LTBP3: variants seen among roughly 807,000 people sequenced by gnomAD.
LTBP3 encodes latent-transforming growth factor beta-binding protein 3.
A neutral mutation model predicts 159.7 loss-of-function variants in LTBP3; 97 were observed. The ratio of observed to expected loss-of-function variants is 0.61; its 90% confidence interval spans 0.52 to 0.72. The LOEUF (loss-of-function observed/expected upper bound fraction) is 0.72. LTBP3 is among the 30% of genes least tolerant of loss of function. The pLI is 0.00. For missense variants in LTBP3, 1,584 were observed against 1,864.3 expected, an observed-to-expected ratio of 0.85 and a Z score of 2.77; for synonymous variants, 824 against 777.1, an observed-to-expected ratio of 1.06 and a Z score of -1.00.
At position 65,558,311 on chromosome 11, in the gene LTBP3, C is replaced by G. The variant is rs1450341641; in HGVS notation, c.-352G>C. 4 of 621,346 alleles carry G rather than the reference C, an allele frequency of 6.4e-6. No individual in the cohort carries two copies. Among genetic ancestry groups the G allele is most frequent in the African/African-American group, 3.9e-5 (2 of 50,806 alleles). The allele number at this position is 621,346 out of a possible 1,614,324, so 38.5% of individuals were successfully genotyped here. On this transcript the variant is annotated 5_prime_UTR_variant, in exon 1 of 28. Coordinates refer to ENST00000301873, the MANE Select transcript of LTBP3 (RefSeq NM_001130144.3). ...CCTCCCCCTGGCCGGGCTCCTCTCC[C>G]GCGGCCGCGGGGAGGCAGGGAGCGC...
Position 65,558,317 on chromosome 11 carries a change from C to A in LTBP3, c.-358G>T. ...CCTGGCCGGGCTCCTCTCCCGCGGCCGCGGGGAGGCAGGGAGCGCGCGGGG... is the reference window on the plus strand; with the variant it reads ...CCTGGCCGGGCTCCTCTCCCGCGGCAGCGGGGAGGCAGGGAGCGCGCGGGG... On this transcript the variant is annotated 5_prime_UTR_variant, in exon 1 of 28. Transcript: ENST00000301873. 1.9e-6 allele frequency: 1 copy of A among 536,894 alleles called. No individual in the cohort carries two copies. Among genetic ancestry groups the A allele is most frequent in the Non-Finnish European group, 2.5e-6 (1 of 405,656 alleles). 33.3% of individuals were successfully genotyped at this position (536,894 alleles called of 1,614,324 possible). A position where few individuals can be genotyped will look rare whatever the true frequency, so the allele number is the denominator to read the frequency against.
intron 8 of LTBP3, 64 bp downstream of exon 8, chr11:65,551,908 C>T (rs934185737): frequency 8.4e-6 from 13 of 1,550,776 alleles, no homozygotes; most frequent in East Asian, 6.7e-5. Context: ...CTGTGGATCA[C>T]GGGTCAAGGG....
intron 19 of LTBP3, 31 bp downstream of exon 19, chr11:65,541,569 A>T: frequency 3.7e-6 from 6 of 1,613,990 alleles, no homozygotes; most frequent in Non-Finnish European, 5.1e-6. Flanking sequence ...GGAGTTGTCC[A>T]GTCCGAGGGA....
Position 65,553,477 on chromosome 11 carries a change from G to T in LTBP3, c.918C>A (p.Ser306Arg), listed in dbSNP as rs771290855. Residue 306 changes from serine to arginine, a missense_variant, in exon 4 of 28, where the codon AGC becomes AGA. Transcript: ENST00000301873. The surrounding 1 kb of genome is among the most constrained non-coding windows in gnomAD (Gnocchi z 6.5). ...TGCTCTGGCCCCAGGCAGTGCCGAT[G>T]CTACCGCAGCAGTCTTCCTGCTTGG... ...GLTKQEDCCG[S>R]IGTAWGQSKC... is the part of the protein sequence containing the mutation. 6.9e-5 allele frequency: 111 copies of T among 1,612,464 alleles called. No homozygotes were observed. Among genetic ancestry groups the T allele is most frequent in the Non-Finnish European group, 9.2e-5 (108 of 1,179,928 alleles).
rs928850891 is a variant in LTBP3, at chr11:65,546,699, A to G, written c.2230+99T>C. 95 of 1,525,046 alleles carry G rather than the reference A, an allele frequency of 6.2e-5. No individual in the cohort carries two copies. The highest frequency in any genetic ancestry group is 8.3e-5 in the Non-Finnish European group (94 of 1,135,652). 94.5% of individuals were successfully genotyped at this position (1,525,046 alleles called of 1,614,324 possible). A position where few individuals can be genotyped will look rare whatever the true frequency, so the allele number is the denominator to read the frequency against. On this transcript the variant is annotated intron_variant, in intron 15 of 27. Transcript: ENST00000301873. The surrounding 1 kb of genome is among the most constrained non-coding windows in gnomAD (Gnocchi z 4.0). The stretch of plus-strand genomic sequence containing the variant: ...TACTCCCGGAAGGCCCCGCCCCCAG[A>G]CGCCAATCACCACCGCTACCCCGCC...
Position 65,541,722 on chromosome 11 carries a change from T to C in LTBP3, c.2603A>G (p.Asp868Gly). ...CAGGCTCGGGTCCTGGCTGCACTCA[T>C]CTATGTCTGCGGGGCAAGAGTAGCG... ...LVGGRKCQDI[D>G]ECSQDPSLCL... The change falls in exon 19 of 28, where the codon GAT becomes GGT. Residue 868 changes from aspartate (D) to glycine (G), a missense_variant. By Grantham distance (94) the Asp-to-Gly change is moderately conservative (BLOSUM62 -1). Coordinates refer to ENST00000301873, the MANE Select transcript of LTBP3 (RefSeq NM_001130144.3). 6.2e-7 allele frequency: 1 copy of C among 1,614,026 alleles called. No homozygotes were observed. Among genetic ancestry groups the C allele is most frequent in the Non-Finnish European group, 8.5e-7 (1 of 1,179,962 alleles).
rs1241441964 is a variant in LTBP3, at chr11:65,546,106, A to G, written c.2353+336T>C. 3 of 348,200 alleles carry G rather than the reference A, an allele frequency of 8.6e-6. No homozygotes were observed. Among genetic ancestry groups the G allele is most frequent in the Admixed American group, 4.7e-5 (1 of 21,196 alleles). 21.6% of individuals were successfully genotyped at this position (348,200 alleles called of 1,614,324 possible). A position where few individuals can be genotyped will look rare whatever the true frequency, so the allele number is the denominator to read the frequency against. ...TCTGTCTTTCCTTCTCCAGTTTTCA[A>G]TGAGTCCCAGCCCCCAGCCCCGCCT... is the stretch of plus-strand genomic sequence containing the variant. On this transcript the variant is annotated intron_variant, in intron 16 of 27. Transcript: ENST00000301873. The surrounding 1 kb of genome is among the most constrained non-coding windows in gnomAD (Gnocchi z 4.0).
Position 65,557,622 on chromosome 11 carries a change from C to T in LTBP3, c.331+7G>A. 2 of 1,608,754 alleles carry T rather than the reference C, an allele frequency of 1.2e-6. No individual in the cohort carries two copies. The highest frequency in any genetic ancestry group is 1.1e-5 in the South Asian group (1 of 91,064). ...CCCCTGCCCCCAGCCGTGCCCCCGGCCCTCACCCACGCGGAAGCCGGAGCC... is the reference window on the plus strand; with the variant it reads ...CCCCTGCCCCCAGCCGTGCCCCCGGTCCTCACCCACGCGGAAGCCGGAGCC... On this transcript the variant is annotated splice_region_variant and intron_variant, in intron 1 of 27. Coordinates refer to ENST00000301873, the MANE Select transcript of LTBP3 (RefSeq NM_001130144.3).
Position 65,546,351 on chromosome 11 carries a change from TC to T in LTBP3, c.2353+90del. ...TCACCTGGGGATGAATGAGCCACCT[TC>T]CACCCACTGTTTACAGACAGCGTGA... On this transcript the variant is annotated intron_variant, in intron 16 of 27. Coordinates refer to ENST00000301873, the MANE Select transcript of LTBP3 (RefSeq NM_001130144.3). The surrounding 1 kb of genome is among the most constrained non-coding windows in gnomAD (Gnocchi z 4.0). 1.4e-6 allele frequency: 2 copies of T among 1,405,580 alleles called. No individual in the cohort carries two copies. Among genetic ancestry groups the T allele is most frequent in the Non-Finnish European group, 1.9e-6 (2 of 1,069,764 alleles). The allele number at this position is 1,405,580 out of a possible 1,614,324, so 87.1% of individuals were successfully genotyped here.
chr11:65,550,596 C>T (rs1590779478), intron 11 of LTBP3, among the ~76,000 whole-genome samples: 2 of 151,716 alleles, frequency 1.3e-5, no homozygotes, highest in South Asian at 2.1e-4. Context: ...AAGGCCGACA[C>T]GGGCGCATCA....
At position 65,547,982 on chromosome 11, in the gene LTBP3, G is replaced by T. The variant is rs141171572; in HGVS notation, c.1784C>A (p.Pro595His). ...CGHGECVPGP[P>H]DYSCHCNPGY... ...GGGGTTGCAGTGGCAGGAGTAGTCA[G>T]GGGGGCCCGGCACGCACTCTCCGTG... The change falls in exon 12 of 28, where the codon CCT becomes CAT. Residue 595 changes from proline to histidine, a missense_variant. Transcript: ENST00000301873. The surrounding 1 kb of genome is among the most constrained non-coding windows in gnomAD (Gnocchi z 4.6). 6 of 1,613,648 alleles carry T rather than the reference G, an allele frequency of 3.7e-6. No individual in the cohort carries two copies. The African/African-American group carries it at 8.0e-5, about 22-fold the overall frequency.
rs1375233822 is a variant in LTBP3 at position 65,541,177 on chromosome 11, C to T, written c.2842G>A (p.Ala948Thr). The T allele has an allele frequency of 6.2e-7, 1 of 1,602,836 alleles. No homozygotes were observed. Among genetic ancestry groups the T allele is most frequent in the Non-Finnish European group, 8.5e-7 (1 of 1,176,068 alleles). ...ATTTCGCAGTGGTCGCCCCAGCCGG[C>T]CCCCAGAGAGCAGCAGCACTCCTGC... Reference protein sequence around the residue: ...TQQECCCSLGAGWGDHCEIYP... With the variant: ...TQQECCCSLGTGWGDHCEIYP... The change falls in exon 20 of 28, where the codon GCC becomes ACC. Residue 948 changes from alanine to threonine, a missense_variant. This residue lies in a region of LTBP3 where 565 missense variants were observed against 677.7 expected (regional missense o/e 0.83). Transcript: ENST00000301873.
At position 65,543,141 on chromosome 11, in the gene LTBP3, G is replaced by A. The variant is rs1856227782; in HGVS notation, c.2560C>T (p.Gln854Ter). Reference protein sequence around the residue: ...TNGSYRCLCPQGHRLVGGRKC... With the variant: ...TNGSYRCLCP ...CTGCCACCCACCAGCCGATGCCCCT[G>A]GGGGCAAAGACATCTGTAGGAGCCA... Residue 854 changes from glutamine to a stop codon, truncating the protein, a stop_gained, in exon 18 of 28, where the codon CAG (glutamine) becomes TAG (stop). Transcript: ENST00000301873. LOFTEE classifies it high-confidence loss of function. 1.2e-6 allele frequency: 2 copies of A among 1,614,110 alleles called. No individual in the cohort carries two copies. Among genetic ancestry groups the A allele is most frequent in the Non-Finnish European group, 1.7e-6 (2 of 1,179,992 alleles).
chr11:65,540,142 A>C lies in LTBP3; in HGVS notation c.3256T>G (p.Cys1086Gly). 1 of 1,528,036 alleles carries C rather than the reference A, an allele frequency of 6.5e-7. No homozygotes were observed. Among genetic ancestry groups the C allele is most frequent in the Non-Finnish European group, 8.8e-7 (1 of 1,140,434 alleles). The allele number at this position is 1,528,036 out of a possible 1,614,324, so 94.7% of individuals were successfully genotyped here. A position where few individuals can be genotyped will look rare whatever the true frequency, so the allele number is the denominator to read the frequency against. ...GGGCGGCAGGCTGCCGGGTCCTGGC[A>C]CTCGTCCACGTCTACGAACAGCGAG... ...LSPEEMDVDE[C>G]QDPAACRPGR... Residue 1086 changes from cysteine to glycine, a missense_variant, in exon 24 of 28, where the codon TGC (cysteine) becomes GGC (glycine). Physicochemically the swap from Cys to Gly is radical, Grantham distance 159. Transcript: ENST00000301873.
chr11:65,557,902 C>A lies in LTBP3; in HGVS notation c.58G>T (p.Ala20Ser). The change falls in exon 1 of 28, where the codon GCG becomes TCG. Residue 20 changes from alanine (A) to serine (S), a missense_variant. Coordinates refer to ENST00000301873, the MANE Select transcript of LTBP3 (RefSeq NM_001130144.3). ...GLAPEMRGAG[A>S]AGLLALLLLL... ...AGCAGCAGCGCCAGCAGCCCCGCCG[C>A]CCCCGCCCCGCGCATCTCAGGGGCC... 1 of 1,271,932 alleles carries A rather than the reference C, an allele frequency of 7.9e-7. No homozygotes were observed. Among genetic ancestry groups the A allele is most frequent in the Non-Finnish European group, 1.0e-6 (1 of 998,962 alleles). 78.8% of individuals were successfully genotyped at this position (1,271,932 alleles called of 1,614,324 possible).
intron 21 of LTBP3, 69 bp from the exon 22 acceptor site, chr11:65,540,683 C>G: frequency 1.3e-6 from 2 of 1,521,534 alleles, no homozygotes; most frequent in Admixed American, 3.5e-5. Flanking sequence ...CTGGGCGCAC[C>G]ACCGGAGCGA....
chr11:65,547,656 C>A lies in LTBP3; in HGVS notation c.1978+34G>T. The A allele has an allele frequency of 6.2e-7, 1 of 1,606,382 alleles. No individual in the cohort carries two copies. On this transcript the variant is annotated intron_variant, in intron 13 of 27. Transcript: ENST00000301873. This position sits in a 1 kb window ranked among gnomAD's most constrained non-coding sequence, Gnocchi z 4.6. ...CGGCGGTCTGGAGGAGAGCCCGTCC[C>A]ACCCAGGGCCGCCTCCGCCCTGGCG...
chr11:65,547,684 G>A lies in LTBP3; in HGVS notation c.1978+6C>T, dbSNP rs1321745178. 2 of 1,605,190 alleles carry A rather than the reference G, an allele frequency of 1.2e-6. No individual in the cohort carries two copies. Among genetic ancestry groups the A allele is most frequent in the Non-Finnish European group, 8.5e-7 (1 of 1,177,648 alleles). On this transcript the variant is annotated splice_donor_region_variant and intron_variant, in intron 13 of 27. Coordinates refer to ENST00000301873, the MANE Select transcript of LTBP3 (RefSeq NM_001130144.3). This position sits in a 1 kb window ranked among gnomAD's most constrained non-coding sequence, Gnocchi z 4.6. The stretch of plus-strand genomic sequence containing the variant: ...CCAGGGCCGCCTCCGCCCTGGCGGC[G>A]CTCACCCACGCACGAGCGCCCCCCG...
intron 16 of LTBP3, chr11:65,545,128 T>C (rs754860946): frequency 7.8e-5 from 14 of 178,418 alleles, no homozygotes; most frequent in Non-Finnish European, 1.6e-4. Context: ...ACCTCTCTAC[T>C]GCACTTGGCT....
Sources: gnomAD v4.1 joint callset for allele counts (sites outside exome capture counted in the v4.1 genomes callset) on GRCh38, gnomAD v4.1.1 for gene constraint, gnomAD v4.1.1 regional missense constraint, Gnocchi (gnomAD v3.1) non-coding constraint, MANE v1.5 for transcripts, NCBI Gene and HGNC (gene_info 2026-07-23, HGNC 2026-07-21) for gene names.